Variants in FRMD5 observed in about 807,000 individuals in gnomAD.
The protein encoded by FRMD5 is FERM domain-containing protein 5.
A neutral mutation model predicts 69.0 loss-of-function variants in FRMD5; 20 were observed. The observed-to-expected ratio is 0.29, with a 90% CI of 0.20 to 0.42. FRMD5 has a LOEUF of 0.42. Ranked by LOEUF, FRMD5 falls within the 10% of genes least tolerant of loss-of-function variation. FRMD5 has a pLI of 1.00. For synonymous variants in FRMD5, 271 were observed against 260.1 expected (o/e 1.04, Z -0.40); for missense variants, 595 against 708.6 (o/e 0.84, Z 1.82).
Position 44,010,483 on chromosome 15 carries a change from C to T in FRMD5, c.103-86174G>A, listed in dbSNP as rs372730199. On this transcript the variant is annotated intron_variant, in intron 1 of 13. Transcript: ENST00000417257. ...CACGATCTCAGCTCACTGCAACCTC[C>T]ATCTCCTGAGTTCAAGCCATTTTCC... 5.3e-5 allele frequency among the ~76,000 whole-genome samples: 8 copies of T among 151,944 alleles called. No homozygotes were observed. In the East Asian group the frequency reaches 1.4e-3, roughly 26 times the overall value.
intron 1 of FRMD5, among the ~76,000 whole-genome samples, chr15:44,069,487 T>TAA (rs199585914): frequency 7.5e-5 from 11 of 146,660 alleles, no homozygotes; most frequent in African/African-American, 2.2e-4. Flanking sequence ...TACTCAGCAA[T>TAA]AAAAAAAAAA....
chr15:43,888,625 C>A (rs2088720748), intron 9 of FRMD5, among the ~76,000 whole-genome samples, 184 bp downstream of exon 9: 1 of 152,196 alleles, frequency 6.6e-6, no homozygotes, highest in Non-Finnish European at 1.5e-5. Context: ...AATAGCATCC[C>A]TGAGGAAGTC....
intron 1 of FRMD5, among the ~76,000 whole-genome samples, chr15:44,078,444 T>C (rs1442881974): frequency 6.6e-6 from 1 of 152,086 alleles, no homozygotes; most frequent in African/African-American, 2.4e-5. Context: ...ATAATTCACA[T>C]AGAATCTCAA....
chr15:43,989,587 G>C, intron 1 of FRMD5: 2 of 854,322 alleles, frequency 2.3e-6, no homozygotes, highest in Non-Finnish European at 4.1e-6. Context: ...TGGCGGTGAA[G>C]ATGTAGCTGT....
At chr15:43,875,804 GTTTTT>G (rs34063043) in intron 13 of FRMD5, 73 of 210,610 alleles carry the variant, frequency 3.5e-4, no homozygotes, top group Middle Eastern at 1.4e-3. Context: ...CCTGGGCCTA[GTTTTT>G]TTTTTTTTTT....
At chr15:44,035,065 A>G (rs1464242468) in intron 1 of FRMD5, among the ~76,000 whole-genome samples, 3 of 152,072 alleles carry the variant, frequency 2.0e-5, no homozygotes, top group African/African-American at 7.2e-5. Context: ...TTTGCTTAAG[A>G]CCTGGTACTA....
intron 1 of FRMD5, 97 bp from the exon 2 acceptor site, chr15:43,924,406 A>G: frequency 1.3e-6 from 1 of 798,008 alleles, no homozygotes; most frequent in Non-Finnish European, 2.1e-6. Flanking sequence ...TAACTGTTGC[A>G]TGTGTCTATG....
At chr15:44,008,115 T>G (rs1890546045) in intron 1 of FRMD5, among the ~76,000 whole-genome samples, 2 of 67,852 alleles carry the variant, frequency 2.9e-5, no homozygotes, top group Admixed American at 1.8e-4. Context: ...TTTTTTTTTG[T>G]AGAGATGAGG....
At chr15:43,983,000 G>A (rs2090571844) in intron 1 of FRMD5, among the ~76,000 whole-genome samples, 1 of 152,128 alleles carries the variant, frequency 6.6e-6, no homozygotes, top group Admixed American at 6.5e-5. Context: ...GTGTGATCTT[G>A]GCTCACTGCA....
At chr15:44,092,984 T>C (rs1169452724) in intron 1 of FRMD5, among the ~76,000 whole-genome samples, 4 of 133,204 alleles carry the variant, frequency 3.0e-5, no homozygotes, top group Non-Finnish European at 6.1e-5. Flanking sequence ...CAGGCTGGAG[T>C]GCAGTGGCAC....
chr15:43,891,577 A>G (rs1232899483), intron 8 of FRMD5, among the ~76,000 whole-genome samples: 1 of 152,074 alleles, frequency 6.6e-6, no homozygotes, highest in East Asian at 1.9e-4. Context: ...TTGTTAGTAG[A>G]GCAGGTAAGG....
chr15:43,924,547 G>C (rs1367149292), intron 1 of FRMD5, among the ~76,000 whole-genome samples: 2 of 152,148 alleles, frequency 1.3e-5, no homozygotes, highest in Non-Finnish European at 2.9e-5. Context: ...GAGAAGTCAG[G>C]GTAGAGTCAG....
At chr15:43,901,871 T>G in intron 7 of FRMD5, 1 of 345,974 alleles carries the variant, frequency 2.9e-6, no homozygotes, top group Non-Finnish European at 5.3e-6. Flanking sequence ...TCGTTCTCTG[T>G]GGGGGGCCTT....
At chr15:43,990,015 G>A (rs1353876889) in intron 1 of FRMD5, 27 of 882,898 alleles carry the variant, frequency 3.1e-5, no homozygotes, top group East Asian at 5.1e-5. Flanking sequence ...TCTGGACCTC[G>A]TTGCCCACAT....
chr15:44,195,637 C>G (rs1044301612), upstream of FRMD5, among the ~76,000 whole-genome samples: 1 of 152,198 alleles, frequency 6.6e-6, no homozygotes, highest in East Asian at 2.0e-4. Context: ...GGTTCCCGCC[C>G]TCTTGGGAGC....
intron 1 of FRMD5, among the ~76,000 whole-genome samples, chr15:44,042,248 T>C (rs1226805654): frequency 6.6e-6 from 1 of 152,170 alleles, no homozygotes; most frequent in African/African-American, 2.4e-5. Context: ...GTTGAATCCC[T>C]GAATAGACCA....
intron 1 of FRMD5, among the ~76,000 whole-genome samples, chr15:43,965,823 G>A (rs974993107): frequency 3.3e-5 from 5 of 151,496 alleles, no homozygotes; most frequent in African/African-American, 9.7e-5. Context: ...CAGGTGATCC[G>A]CCCACCTTGG....
chr15:43,954,285 C>T (rs974460143), intron 1 of FRMD5, among the ~76,000 whole-genome samples: 2 of 152,182 alleles, frequency 1.3e-5, no homozygotes, highest in Admixed American at 6.5e-5. Context: ...ACCCAGGAGA[C>T]GAAGGCCTGC....
At chr15:44,189,892 G>T (rs1408787963) in intron 1 of FRMD5, among the ~76,000 whole-genome samples, 3 of 152,272 alleles carry the variant, frequency 2.0e-5, no homozygotes, top group East Asian at 1.9e-4. Context: ...TTGGCGATTT[G>T]CTGTCTTAGG....
Sources: gnomAD v4.1 joint callset for allele counts (sites outside exome capture counted in the v4.1 genomes callset) on GRCh38, gnomAD v4.1.1 for gene constraint, MANE v1.5 for transcripts, NCBI Gene and HGNC (gene_info 2026-07-23, HGNC 2026-07-21) for gene names.